Variants in RBFOX1 observed in about 807,000 individuals in gnomAD.
The protein encoded by RBFOX1 is RNA binding protein fox-1 homolog 1.
In RBFOX1, 8 loss-of-function variants were observed where a neutral mutation model predicts 57.7. The ratio of observed to expected loss-of-function variants is 0.14; its 90% confidence interval spans 0.08 to 0.25. The LOEUF (loss-of-function observed/expected upper bound fraction) is 0.25, where lower values mean the gene tolerates loss of function less well. Ranked by LOEUF, RBFOX1 falls within the 10% of genes least tolerant of loss-of-function variation. RBFOX1 has a pLI of 1.00. For synonymous variants in RBFOX1, 326 were observed against 222.4 expected, an observed-to-expected ratio of 1.47 and a Z score of -4.15; for missense variants, 611 against 548.5, an observed-to-expected ratio of 1.11 and a Z score of -1.14.
At position 6,084,116 on chromosome 16, in the gene RBFOX1, G is replaced by A. The variant is rs371056072; in HGVS notation, c.-127+64124G>A. Among the ~76,000 whole-genome samples, 5 of 152,044 alleles carry A rather than the reference G, an allele frequency of 3.3e-5. No individual in the cohort carries two copies. The East Asian group carries it at 7.7e-4, about 23-fold the overall frequency. On this transcript the variant is annotated intron_variant, in intron 1 of 15. Transcript: ENST00000550418. ...CCTGAGCTTTTCAATCTGTAAATAC[G>A]GCCAATAATAATACCTCCCTCTTAG... is the stretch of plus-strand genomic sequence containing the variant.
chr16:6,607,074 C>G (rs1469755600), intron 2 of RBFOX1, among the ~76,000 whole-genome samples: 1 of 152,138 alleles, frequency 6.6e-6, no homozygotes, highest in Non-Finnish European at 1.5e-5. Flanking sequence ...TTTTAATATA[C>G]CTGAGGCTGC....
intron 1 of RBFOX1, among the ~76,000 whole-genome samples, chr16:6,103,600 T>A (rs973675848): frequency 6.6e-6 from 1 of 152,254 alleles, no homozygotes; most frequent in East Asian, 1.9e-4. Context: ...TCCTTCCATC[T>A]TGTGACTCTG....
At chr16:6,498,381 G>T (rs1323502771) in intron 2 of RBFOX1, among the ~76,000 whole-genome samples, 1 of 152,058 alleles carries the variant, frequency 6.6e-6, no homozygotes, top group Non-Finnish European at 1.5e-5. Flanking sequence ...AAATATCATT[G>T]TATTTCGTTA....
intron 4 of RBFOX1, among the ~76,000 whole-genome samples, chr16:7,383,362 A>C (rs1299664884): frequency 6.6e-6 from 1 of 152,088 alleles, no homozygotes; most frequent in African/African-American, 2.4e-5. Context: ...CAGTGGAGGC[A>C]AAAACAAAAA....
chr16:6,279,111 C>G (rs527945116), intron 1 of RBFOX1, among the ~76,000 whole-genome samples: 2 of 152,160 alleles, frequency 1.3e-5, no homozygotes, highest in African/African-American at 4.8e-5. Context: ...TTATTTCAAT[C>G]TTAGTGGAAT....
At chr16:5,985,456 G>A (rs185059252) in intron 4 of RBFOX1, among the ~76,000 whole-genome samples, 1 of 152,224 alleles carries the variant, frequency 6.6e-6, no homozygotes, top group Non-Finnish European at 1.5e-5. Flanking sequence ...GAAGAAATGA[G>A]GCACAGAGGA....
chr16:5,858,809 C>A, intron 3 of RBFOX1, among the ~76,000 whole-genome samples: 1 of 152,134 alleles, frequency 6.6e-6, no homozygotes, highest in Admixed American at 6.5e-5. Flanking sequence ...TCCTTTTTTA[C>A]ACTTATGGTT....
intron 4 of RBFOX1, among the ~76,000 whole-genome samples, chr16:5,903,228 C>G (rs1022754075): frequency 3.3e-5 from 5 of 152,158 alleles, no homozygotes; most frequent in Non-Finnish European, 7.4e-5. Flanking sequence ...TAAACTAACA[C>G]CTGCCATAAT....
intron 14 of RBFOX1, among the ~76,000 whole-genome samples, chr16:7,677,223 A>G (rs1239802450): frequency 6.6e-6 from 1 of 151,376 alleles, no homozygotes; most frequent in Non-Finnish European, 1.5e-5. Flanking sequence ...TAGGAAGAAA[A>G]ACAGACCATG....
At chr16:6,824,583 C>A (rs973632122) in intron 3 of RBFOX1, among the ~76,000 whole-genome samples, 16 of 152,152 alleles carry the variant, frequency 1.1e-4, no homozygotes, top group Non-Finnish European at 2.2e-4. Flanking sequence ...TAATACAAGT[C>A]TGTAAGTTAA....
At chr16:6,925,226 C>G (rs531371914) in intron 3 of RBFOX1, among the ~76,000 whole-genome samples, 1 of 134,434 alleles carries the variant, frequency 7.4e-6, no homozygotes, top group Non-Finnish European at 1.5e-5. Context: ...CTCTGCCTCC[C>G]GGGCTCAAGC....
chr16:7,644,465 C>T (rs925618058), intron 11 of RBFOX1, among the ~76,000 whole-genome samples: 1 of 152,172 alleles, frequency 6.6e-6, no homozygotes, highest in African/African-American at 2.4e-5. Context: ...AAGGGAGGTC[C>T]AGGATCCCTT....
At chr16:6,940,673 C>G (rs1389819460) in intron 3 of RBFOX1, among the ~76,000 whole-genome samples, 2 of 152,130 alleles carry the variant, frequency 1.3e-5, no homozygotes, top group African/African-American at 4.8e-5. Flanking sequence ...TCTCAGCTCA[C>G]TGCAAGCTCC....
At chr16:5,905,464 C>T (rs766921525) in intron 4 of RBFOX1, among the ~76,000 whole-genome samples, 1 of 152,114 alleles carries the variant, frequency 6.6e-6, no homozygotes, top group Non-Finnish European at 1.5e-5. Flanking sequence ...GTAATCCCAG[C>T]ATTTTGGGAG....
At chr16:6,202,092 T>C (rs907469589) in intron 1 of RBFOX1, among the ~76,000 whole-genome samples, 1 of 152,110 alleles carries the variant, frequency 6.6e-6, no homozygotes, top group Non-Finnish European at 1.5e-5. Context: ...CAAAAAAACA[T>C]ACCTTGAGTT....
intron 4 of RBFOX1, among the ~76,000 whole-genome samples, chr16:7,396,143 C>CG (rs1568615637): frequency 1.3e-5 from 2 of 151,948 alleles, no homozygotes; most frequent in Non-Finnish European, 2.9e-5. Flanking sequence ...ATAACCAGGG[C>CG]GGAAGGAGGA....
chr16:5,583,978 C>G (rs764726026), intron 2 of RBFOX1, among the ~76,000 whole-genome samples: 1 of 152,176 alleles, frequency 6.6e-6, no homozygotes, highest in Non-Finnish European at 1.5e-5. Flanking sequence ...GCTGTGCCAG[C>G]CATTCCTGGT....
chr16:7,080,122 G>C (rs2058968446), intron 4 of RBFOX1, among the ~76,000 whole-genome samples: 2 of 146,630 alleles, frequency 1.4e-5, no homozygotes, highest in Non-Finnish European at 3.0e-5. Context: ...ATTTAAAAAA[G>C]ACTAGTATAC....
At chr16:5,683,081 G>A (rs1217973455) in intron 3 of RBFOX1, among the ~76,000 whole-genome samples, 1 of 151,586 alleles carries the variant, frequency 6.6e-6, no homozygotes, top group African/African-American at 2.4e-5. Context: ...GATAAAGACT[G>A]GACAATGCTT....
Sources: allele counts gnomAD v4.1 joint callset (sites outside exome capture counted in the v4.1 genomes callset), GRCh38; gene constraint gnomAD v4.1.1; transcripts MANE v1.5; gene names NCBI Gene and HGNC (gene_info 2026-07-23, HGNC 2026-07-21).